Variants in POGZ observed in about 807,000 individuals in gnomAD.
The protein encoded by POGZ is pogo transposable element derived with ZNF domain, also known as pogo transposable element with ZNF domain.
Under a neutral mutation model 134.6 loss-of-function variants are expected in POGZ, and 17 were observed. The ratio of observed to expected loss-of-function variants is 0.13; its 90% CI spans 0.09 to 0.19. The LOEUF is 0.19. Ranked by LOEUF, POGZ falls within the 10% of genes least tolerant of loss-of-function variation. POGZ has a pLI of 1.00. For missense variants in POGZ, 1,306 were observed against 1,769.7 expected, an observed-to-expected ratio of 0.74 and a Z score of 4.70; for synonymous variants, 693 against 657.1, an observed-to-expected ratio of 1.05 and a Z score of -0.84.
chr1:151,417,705 C>CACAA lies in POGZ; in HGVS notation c.1679-5310_1679-5309insTTGT, dbSNP rs1239084957. Among the ~76,000 whole-genome samples the CACAA allele has an allele frequency of 8.5e-3, 1,276 of 150,236 alleles. 23 individuals are homozygous for CACAA. The highest frequency in any genetic ancestry group is 0.03 in the African/African-American group (1,221 of 40,392). On this transcript the variant is annotated intron_variant, in intron 10 of 18. Transcript: ENST00000271715. ...TACTGTGGCCACACACACACACACA[C>CACAA]ACACACACACACACACACACACACA...
At chr1:151,415,897 G>T (rs898900055) in intron 10 of POGZ, among the ~76,000 whole-genome samples, 4 of 151,906 alleles carry the variant, frequency 2.6e-5, no homozygotes, top group Non-Finnish European at 5.9e-5. Flanking sequence ...TAAGATTTCT[G>T]TATTAGACAT....
At chr1:151,421,015 TAA>T (rs1167729703) in intron 10 of POGZ, among the ~76,000 whole-genome samples, 1 of 145,042 alleles carries the variant, frequency 6.9e-6, no homozygotes, top group African/African-American at 2.6e-5. Context: ...ATACCTATGA[TAA>T]AGTTTAATTT....
chr1:151,450,950 A>C (rs1300138572), intron 1 of POGZ: 1 of 152,222 alleles, frequency 6.6e-6, no homozygotes, highest in Admixed American at 6.5e-5. Flanking sequence ...CTGTAATCCC[A>C]GCACTTTGGG....
rs1180210453 is a variant in POGZ, at chr1:151,430,683, T to A, written c.442A>T (p.Ile148Leu). Reference protein sequence around the residue: ...VTSSPVASQPIFITTQGFPVR... With the variant: ...VTSSPVASQPLFITTQGFPVR... Reference sequence around the variant, plus strand: ...CTACTCACCTGCGTAGTGATAAATATTGGTTGTGAGGCCACAGGGGAACTA... The same window carrying A: ...CTACTCACCTGCGTAGTGATAAATAATGGTTGTGAGGCCACAGGGGAACTA... The change falls in exon 4 of 19, where the codon ATA (isoleucine) becomes TTA (leucine). Residue 148 changes from isoleucine to leucine, a missense_variant. Ile to Leu is a conservative substitution (Grantham distance 5). Transcript: ENST00000271715. 3 of 1,608,780 alleles carry A rather than the reference T, an allele frequency of 1.9e-6. No individual in the cohort carries two copies. In the Admixed American group the frequency reaches 5.0e-5, roughly 27 times the overall value.
chr1:151,407,038 T>A lies in POGZ; in HGVS notation c.2433-15A>T. The A allele has an allele frequency of 1.3e-6, 2 of 1,593,064 alleles. No individual in the cohort carries two copies. Among genetic ancestry groups the A allele is most frequent in the Non-Finnish European group, 1.7e-6 (2 of 1,161,350 alleles). ...GCTTGATTCCACTAAAAAAGAGAAT[T>A]GAGACTATGTAAGACAAACACAGCA... is the stretch of plus-strand genomic sequence containing the variant. On this transcript the variant is annotated splice_polypyrimidine_tract_variant and intron_variant, in intron 16 of 18. Coordinates refer to ENST00000271715, the MANE Select transcript of POGZ (RefSeq NM_015100.4).
At chr1:151,406,586 T>C in intron 18 of POGZ, 21 bp downstream of exon 18, 1 of 1,607,990 alleles carries the variant, frequency 6.2e-7, no homozygotes, top group Non-Finnish European at 8.5e-7. Flanking sequence ...GAAATTAAAT[T>C]GTGAGGTGAG....
chr1:151,419,767 T>C (rs527831617), intron 10 of POGZ, among the ~76,000 whole-genome samples: 55 of 149,700 alleles, frequency 3.7e-4, no homozygotes, highest in African/African-American at 1.3e-3. Flanking sequence ...AAAATTGATA[T>C]ATGCTAAGGA....
At position 151,403,794 on chromosome 1, in the gene POGZ, A is replaced by T. The variant is rs1653113655; in HGVS notation, c.*1008T>A. 23 of 985,556 alleles carry T rather than the reference A, an allele frequency of 2.3e-5. No individual in the cohort carries two copies. The highest frequency in any genetic ancestry group is 2.7e-5 in the Non-Finnish European group (22 of 829,922). The allele number at this position is 985,556 out of a possible 1,614,324, so 61.1% of individuals were successfully genotyped here. On this transcript the variant is annotated 3_prime_UTR_variant, in exon 19 of 19. Coordinates refer to ENST00000271715, the MANE Select transcript of POGZ (RefSeq NM_015100.4). ...TGAACAATTAGCTCCTGGCTGTAGG[A>T]CCAGTAATCCCTTAAACAGGCATGC...
chr1:151,446,353 G>A (rs905531172), intron 1 of POGZ, among the ~76,000 whole-genome samples: 1 of 150,432 alleles, frequency 6.6e-6, no homozygotes, highest in Non-Finnish European at 1.5e-5. Flanking sequence ...ATGCTGAAAT[G>A]TAATCCTTAA....
intron 12 of POGZ, among the ~76,000 whole-genome samples, chr1:151,410,844 T>C (rs1397334323): frequency 6.6e-6 from 1 of 152,190 alleles, no homozygotes; most frequent in Non-Finnish European, 1.5e-5. Flanking sequence ...CAAGACAGAA[T>C]CTTAGGCACT....
chr1:151,453,951 G>A (rs940909800), intron 1 of POGZ, among the ~76,000 whole-genome samples: 5 of 152,136 alleles, frequency 3.3e-5, no homozygotes, highest in Non-Finnish European at 7.4e-5. Flanking sequence ...GGTATTTAAT[G>A]GGCAGCAAAT....
intron 7 of POGZ, 107 bp from the exon 8 acceptor site, chr1:151,425,168 T>A: frequency 1.5e-6 from 1 of 651,536 alleles, no homozygotes. Context: ...TATAAAAGGG[T>A]AAGCAAGCAT....
At chr1:151,434,311 A>C (rs765214690) in intron 3 of POGZ, among the ~76,000 whole-genome samples, 1 of 151,956 alleles carries the variant, frequency 6.6e-6, no homozygotes, top group Non-Finnish European at 1.5e-5. Flanking sequence ...AGTCTCAAAA[A>C]TAAAAAATGA....
chr1:151,403,544 A>G lies in POGZ; in HGVS notation c.*1258T>C. 1 of 985,652 alleles carries G rather than the reference A, an allele frequency of 1.0e-6. No homozygotes were observed. Among genetic ancestry groups the G allele is most frequent in the Non-Finnish European group, 1.2e-6 (1 of 829,732 alleles). 61.1% of individuals were successfully genotyped at this position (985,652 alleles called of 1,614,324 possible). On this transcript the variant is annotated 3_prime_UTR_variant, in exon 19 of 19. Coordinates refer to ENST00000271715, the MANE Select transcript of POGZ (RefSeq NM_015100.4). ...GTACAGTACGTTTTGGTTTACAACC[A>G]TGAGTACATACAATTAAAAAAATCC...
At chr1:151,446,629 G>A (rs1373902898) in intron 1 of POGZ, among the ~76,000 whole-genome samples, 1 of 151,808 alleles carries the variant, frequency 6.6e-6, no homozygotes, top group East Asian at 1.9e-4. Flanking sequence ...GGTGGCACAC[G>A]CCTGTAATCC....
At chr1:151,415,329 AG>A (rs1357406243) in intron 10 of POGZ, among the ~76,000 whole-genome samples, 1 of 152,194 alleles carries the variant, frequency 6.6e-6, no homozygotes, top group Non-Finnish European at 1.5e-5. Flanking sequence ...TGAGATGCTC[AG>A]GAAGTGGAGG....
rs529632331 is a variant in POGZ, at chr1:151,412,212, G to C, written c.1779+84C>G. The C allele has an allele frequency of 5.6e-6, 4 of 714,866 alleles. No individual in the cohort carries two copies. The South Asian group carries it at 6.7e-5, about 12-fold the overall frequency. 44.3% of individuals were successfully genotyped at this position (714,866 alleles called of 1,614,324 possible). On this transcript the variant is annotated intron_variant, in intron 11 of 18. Coordinates refer to ENST00000271715, the MANE Select transcript of POGZ (RefSeq NM_015100.4). Reference sequence around the variant, plus strand: ...TTCCTAAACTGAGTGTATGCAGTAGGTGGTCAACAATATTCATTAGTAAAT... The same window carrying C: ...TTCCTAAACTGAGTGTATGCAGTAGCTGGTCAACAATATTCATTAGTAAAT...
intron 1 of POGZ, among the ~76,000 whole-genome samples, chr1:151,452,097 CAAAAAAAAAAAA>C (rs574531921): frequency 0.21 from 12,333 of 59,292 alleles, 785 homozygotes; most frequent in Middle Eastern, 0.34. Context: ...GACTCCGTCT[CAAAAAAAAAAAA>C]AAAAAAAAAA....
In POGZ at chr1:151,420,008, C is replaced by A. The variant is rs80039662; in HGVS notation, c.1678+3389G>T. On this transcript the variant is annotated intron_variant, in intron 10 of 18. Coordinates refer to ENST00000271715, the MANE Select transcript of POGZ (RefSeq NM_015100.4). ...GCCCAGACTGGGCAACACAGCAAGACCCTGTCTCTACCCCCAAGAAAAGGA... is the reference window on the plus strand; with the variant it reads ...GCCCAGACTGGGCAACACAGCAAGAACCTGTCTCTACCCCCAAGAAAAGGA... 4.3e-4 allele frequency among the ~76,000 whole-genome samples: 65 copies of A among 152,120 alleles called. 2 individuals are homozygous for A. The East Asian group carries it at 0.012, about 28-fold the overall frequency.
Sources: gnomAD v4.1 joint callset for allele counts (sites outside exome capture counted in the v4.1 genomes callset) on GRCh38, gnomAD v4.1.1 for gene constraint, MANE v1.5 for transcripts, NCBI Gene and HGNC (gene_info 2026-07-23, HGNC 2026-07-21) for gene names.